Variants in WNK2 observed in about 807,000 individuals in gnomAD.
WNK2 encodes the protein WNK lysine deficient protein kinase 2.
WNK2 carries 67 observed loss-of-function variants against 192.1 expected under a neutral mutation model. The ratio of observed to expected loss-of-function variants is 0.35; its 90% CI spans 0.29 to 0.43. The LOEUF (loss-of-function observed/expected upper bound fraction) is 0.43. Among genes scored for constraint, WNK2 ranks in the 20% least tolerant of loss-of-function variants. The pLI, the probability that WNK2 is intolerant of heterozygous loss-of-function variation, is 1.00. For missense variants in WNK2, 2,698 were observed against 3,089.7 expected (o/e 0.87, Z 3.01); for synonymous variants, 1,439 against 1,393.9 (o/e 1.03, Z -0.72).
intron 2 of WNK2, among the ~76,000 whole-genome samples, chr9:93,208,686 TGTGTTCTGTGTGTCTGC>T: frequency 4.8e-4 from 1 of 2,094 alleles, no homozygotes; most frequent in Non-Finnish European, 1.5e-3. Context: ...CATGTGTGCA[TGTGTTCTGTGTGTCTGC>T]GTGTTCTGTG....
intron 29 of WNK2, 162 bp downstream of exon 29, chr9:93,317,793 GTCT>G (rs749649007): frequency 2.7e-6 from 4 of 1,483,788 alleles, no homozygotes; most frequent in East Asian, 2.5e-5. Context: ...CGTGCTGCCA[GTCT>G]TCTTGCAGCC....
chr9:93,211,764 C>T lies in WNK2; in HGVS notation c.682-17932C>T, dbSNP rs1041416414. 2.6e-5 allele frequency among the ~76,000 whole-genome samples: 4 copies of T among 152,138 alleles called. No individual in the cohort carries two copies. In the East Asian group the frequency reaches 5.8e-4, roughly 22 times the overall value. ...TCACTCATACATTCACTCACTCACT[C>T]GTCCACTTACTCATTCACTCTCATC... On this transcript the variant is annotated intron_variant, in intron 2 of 29. Transcript: ENST00000427277.
chr9:93,308,887 C>T (rs1853113625), intron 28 of WNK2: 17 of 1,274,112 alleles, frequency 1.3e-5, no homozygotes, highest in Non-Finnish European at 1.7e-5. Context: ...AAGCCCCGCA[C>T]TCAGAGCAGG....
chr9:93,243,860 A>T (rs1366672569), intron 7 of WNK2, among the ~76,000 whole-genome samples: 4 of 152,248 alleles, frequency 2.6e-5, no homozygotes, highest in Non-Finnish European at 1.5e-5. Context: ...TGATGCAATG[A>T]AAACAGCTTG....
Position 93,263,938 on chromosome 9 carries a change from ATGG to A in WNK2, c.3605_3607del (p.Val1202del). 6.2e-7 allele frequency: 1 copy of A among 1,613,078 alleles called. No individual in the cohort carries two copies. The highest frequency in any genetic ancestry group is 8.5e-7 in the Non-Finnish European group (1 of 1,179,682). On this transcript the variant is annotated inframe_deletion, in exon 16 of 30. Coordinates refer to ENST00000427277, the MANE Select transcript of WNK2 (RefSeq NM_006648.4). ...CCAGGTGTGCAACACTGGGGACAAGATGGTGGAGTGCCAGCTGGAGACGCACAA... is the reference window on the plus strand; with the variant it reads ...CCAGGTGTGCAACACTGGGGACAAGATGGAGTGCCAGCTGGAGACGCACAA...
chr9:93,302,371 G>C (rs1382428094), intron 26 of WNK2, among the ~76,000 whole-genome samples: 1 of 152,076 alleles, frequency 6.6e-6, no homozygotes, highest in Non-Finnish European at 1.5e-5. Context: ...AGGGGTCGGG[G>C]GTCGCGCTGC....
At chr9:93,306,080 T>C (rs1852476751) in intron 26 of WNK2, among the ~76,000 whole-genome samples, 1 of 152,202 alleles carries the variant, frequency 6.6e-6, no homozygotes, top group Non-Finnish European at 1.5e-5. Flanking sequence ...CCAGTCGGTT[T>C]AGTGGTGGTC....
chr9:93,304,806 G>T (rs544653119), intron 26 of WNK2, among the ~76,000 whole-genome samples: 1 of 152,362 alleles, frequency 6.6e-6, no homozygotes, highest in South Asian at 2.1e-4. Flanking sequence ...TGTCTGCAGT[G>T]AGTGGCGTCC....
At position 93,263,548 on chromosome 9, in the gene WNK2, T is replaced by C. The variant is rs755195920; in HGVS notation, c.3411-18T>C. On this transcript the variant is annotated intron_variant, in intron 14 of 29. Transcript: ENST00000427277. ...TGGTTGTCCTTTGGTGCCATTAATG[T>C]TCTTGGGTTTTGCTCAGCTATGGAG... 3 of 1,609,940 alleles carry C rather than the reference T, an allele frequency of 1.9e-6. No individual in the cohort carries two copies. The highest frequency in any genetic ancestry group is 2.7e-5 in the African/African-American group (2 of 74,624).
At chr9:93,298,700 A>G (rs1398863908) in intron 24 of WNK2, among the ~76,000 whole-genome samples, 4 of 152,308 alleles carry the variant, frequency 2.6e-5, no homozygotes, top group Non-Finnish European at 4.4e-5. Context: ...TAAGCTCACT[A>G]TAAGCCCACA....
intron 7 of WNK2, among the ~76,000 whole-genome samples, chr9:93,243,369 A>ACCTGTGC (rs1841107429): frequency 2.6e-5 from 4 of 151,956 alleles, no homozygotes; most frequent in African/African-American, 9.7e-5. Context: ...TGTGCCCATC[A>ACCTGTGC]CCACACAAGT....
chr9:93,306,766 T>C lies in WNK2; in HGVS notation c.6215-11T>C. Reference sequence around the variant, plus strand: ...CCCTGTGGTCTTGTGTCGTTTCTTTTTCCCTTGCAGGGTCTGCCCTGAAGC... The same window carrying C: ...CCCTGTGGTCTTGTGTCGTTTCTTTCTCCCTTGCAGGGTCTGCCCTGAAGC... On this transcript the variant is annotated splice_polypyrimidine_tract_variant and intron_variant, in intron 26 of 29. Coordinates refer to ENST00000427277, the MANE Select transcript of WNK2 (RefSeq NM_006648.4). 1 of 1,614,062 alleles carries C rather than the reference T, an allele frequency of 6.2e-7. No homozygotes were observed.
At chr9:93,320,241 T>G (rs1159526619) in intron 29 of WNK2, 126 bp from the exon 30 acceptor site, 1 of 1,059,300 alleles carries the variant, frequency 9.4e-7, no homozygotes, top group Non-Finnish European at 1.3e-6. Context: ...ACACAGGGCG[T>G]GGGTCATGGC....
intron 8 of WNK2, among the ~76,000 whole-genome samples, chr9:93,248,431 GTGGA>G (rs1266134238): frequency 6.6e-6 from 1 of 152,278 alleles, no homozygotes; most frequent in African/African-American, 2.4e-5. Flanking sequence ...CTATGGATCT[GTGGA>G]TTTAGGGCAG....
intron 2 of WNK2, among the ~76,000 whole-genome samples, chr9:93,202,537 C>T (rs1030589142): frequency 4.0e-5 from 6 of 151,834 alleles, no homozygotes; most frequent in Middle Eastern, 3.2e-3. Context: ...GCGGGAACTG[C>T]TGGGAGCCAC....
intron 2 of WNK2, among the ~76,000 whole-genome samples, chr9:93,218,387 C>A (rs541549672): frequency 2.0e-5 from 3 of 152,282 alleles, no homozygotes; most frequent in Admixed American, 1.3e-4. Context: ...TTCTAGAAAC[C>A]AGATACATGA....
chr9:93,275,289 G>A (rs2133418790), intron 19 of WNK2, among the ~76,000 whole-genome samples: 1 of 152,272 alleles, frequency 6.6e-6, no homozygotes, highest in South Asian at 2.1e-4. Flanking sequence ...GGCTGAGGCA[G>A]GAGGATCACT....
chr9:93,233,717 A>AG (rs997310913), intron 4 of WNK2, among the ~76,000 whole-genome samples: 11 of 151,692 alleles, frequency 7.3e-5, no homozygotes, highest in Non-Finnish European at 1.6e-4. Context: ...AAAAAAAAAA[A>AG]AAAAGTAACA....
chr9:93,199,040 C>T (rs923524377), intron 2 of WNK2, among the ~76,000 whole-genome samples: 2 of 152,186 alleles, frequency 1.3e-5, no homozygotes, highest in Non-Finnish European at 2.9e-5. Context: ...CCAGCTGGAC[C>T]CAGGTTCCCA....
Sources: gnomAD v4.1 joint callset for allele counts (sites outside exome capture counted in the v4.1 genomes callset) on GRCh38, gnomAD v4.1.1 for gene constraint, MANE v1.5 for transcripts, NCBI Gene and HGNC (gene_info 2026-07-23, HGNC 2026-07-21) for gene names.